Variants in ZNF804A observed in about 807,000 individuals in gnomAD.
ZNF804A encodes the protein zinc finger protein 804A.
In ZNF804A, 2 loss-of-function variants were observed where a neutral mutation model predicts 16.5. The observed-to-expected ratio is 0.12, with a 90% confidence interval of 0.05 to 0.38. The LOEUF (loss-of-function observed/expected upper bound fraction) is 0.38, where lower values mean the gene tolerates loss of function less well. ZNF804A is among the 10% of genes least tolerant of loss of function. ZNF804A has a pLI of 0.99. For synonymous variants in ZNF804A, 534 were observed against 489.6 expected, an observed-to-expected ratio of 1.09 and a Z score of -1.20; for missense variants, 1,473 against 1,390.7, an observed-to-expected ratio of 1.06 and a Z score of -0.94.
chr2:184,878,505 T>G (rs143448052), intron 2 of ZNF804A, among the ~76,000 whole-genome samples: 2 of 152,160 alleles, frequency 1.3e-5, no homozygotes, highest in Non-Finnish European at 2.9e-5. Flanking sequence ...CAAAAGGACT[T>G]ATAAGCCATC....
rs183686989 is a variant in ZNF804A, at chr2:184,802,506, A to G, written c.112-63863A>G. Among the ~76,000 whole-genome samples the G allele has an allele frequency of 3.3e-4, 51 of 152,256 alleles. 1 individual carries two copies. The East Asian group carries it at 9.6e-3, about 29-fold the overall frequency. ...ATGTTCTAACTCACATTCAAACACA[A>G]CTAATTTATCAAAATTACCATTTAA... On this transcript the variant is annotated intron_variant, in intron 1 of 3. Coordinates refer to ENST00000302277, the MANE Select transcript of ZNF804A (RefSeq NM_194250.2).
intron 1 of ZNF804A, among the ~76,000 whole-genome samples, chr2:184,837,159 C>T (rs1695363486): frequency 6.6e-6 from 1 of 151,974 alleles, no homozygotes; most frequent in African/African-American, 2.4e-5. Context: ...ACTAGGTGGA[C>T]AGCATCTATT....
chr2:184,885,393 T>C (rs923971355), intron 2 of ZNF804A, among the ~76,000 whole-genome samples: 6 of 152,172 alleles, frequency 3.9e-5, no homozygotes, highest in Admixed American at 6.5e-5. Context: ...CATGCTTATG[T>C]TCATCACAGC....
At chr2:184,809,671 T>C (rs1470224547) in intron 1 of ZNF804A, among the ~76,000 whole-genome samples, 3 of 151,892 alleles carry the variant, frequency 2.0e-5, no homozygotes, top group Non-Finnish European at 1.5e-5. Context: ...AAATAGTCAC[T>C]ATGAGTGTTG....
At chr2:184,686,385 C>G (rs888750375) in intron 1 of ZNF804A, among the ~76,000 whole-genome samples, 1 of 152,232 alleles carries the variant, frequency 6.6e-6, no homozygotes, top group Non-Finnish European at 1.5e-5. Flanking sequence ...CTGTTGCCAT[C>G]ATGTGTACCA....
intron 1 of ZNF804A, among the ~76,000 whole-genome samples, chr2:184,612,428 A>C (rs1691251705): frequency 6.6e-6 from 1 of 150,872 alleles, no homozygotes; most frequent in East Asian, 1.9e-4. Context: ...TCAACATGAA[A>C]GATGTAATTT....
intron 1 of ZNF804A, among the ~76,000 whole-genome samples, chr2:184,766,941 A>G (rs1046782567): frequency 1.3e-5 from 2 of 152,114 alleles, no homozygotes; most frequent in African/African-American, 4.8e-5. Flanking sequence ...GAAAGGCCAT[A>G]ATCCAGTAAG....
At chr2:184,650,369 A>C (rs1219572446) in intron 1 of ZNF804A, among the ~76,000 whole-genome samples, 1 of 152,124 alleles carries the variant, frequency 6.6e-6, no homozygotes, top group Non-Finnish European at 1.5e-5. Flanking sequence ...AAAGGGCAAA[A>C]ACTGGAAGCA....
intron 1 of ZNF804A, among the ~76,000 whole-genome samples, chr2:184,842,230 C>A (rs1390559028): frequency 6.6e-6 from 1 of 152,162 alleles, no homozygotes; most frequent in Non-Finnish European, 1.5e-5. Flanking sequence ...CTATCACTCC[C>A]ATTTGGAGTT....
intron 1 of ZNF804A, among the ~76,000 whole-genome samples, chr2:184,644,432 G>A (rs368856015): frequency 6.6e-6 from 1 of 151,398 alleles, no homozygotes; most frequent in Non-Finnish European, 1.5e-5. Flanking sequence ...TATAAGGTAA[G>A]TTATTATAAA....
chr2:184,876,686 A>G (rs1684684382), intron 2 of ZNF804A, among the ~76,000 whole-genome samples: 4 of 152,250 alleles, frequency 2.6e-5, no homozygotes, highest in African/African-American at 4.8e-5. Flanking sequence ...TAAAAGAATC[A>G]TTTCTAGCAT....
chr2:184,821,696 G>A (rs956966602), intron 1 of ZNF804A, among the ~76,000 whole-genome samples: 1 of 151,970 alleles, frequency 6.6e-6, no homozygotes, highest in Non-Finnish European at 1.5e-5. Flanking sequence ...ATTCTACAAG[G>A]AACTTAAACA....
intron 1 of ZNF804A, among the ~76,000 whole-genome samples, chr2:184,716,457 C>T (rs547923923): frequency 1.1e-4 from 17 of 151,860 alleles, no homozygotes; most frequent in East Asian, 5.8e-4. Context: ...TTGCAATTGG[C>T]GAAAAGGCAC....
intron 2 of ZNF804A, among the ~76,000 whole-genome samples, chr2:184,927,121 G>A (rs1055968723): frequency 6.6e-6 from 1 of 152,148 alleles, no homozygotes; most frequent in African/African-American, 2.4e-5. Flanking sequence ...TTCACAGTTT[G>A]GGCTTGTTTG....
intron 1 of ZNF804A, among the ~76,000 whole-genome samples, chr2:184,721,474 A>T (rs917014013): frequency 3.3e-5 from 5 of 150,840 alleles, no homozygotes; most frequent in Admixed American, 1.3e-4. Context: ...ACAGGTATAT[A>T]AAAAAAAATG....
chr2:184,892,025 C>T (rs934521094), intron 2 of ZNF804A, among the ~76,000 whole-genome samples: 2 of 152,062 alleles, frequency 1.3e-5, no homozygotes, highest in African/African-American at 4.8e-5. Context: ...AACAAAAGAC[C>T]TATTTGACAG....
At chr2:184,789,380 AT>A (rs928967470) in intron 1 of ZNF804A, among the ~76,000 whole-genome samples, 30 of 151,834 alleles carry the variant, frequency 2.0e-4, no homozygotes, top group African/African-American at 7.3e-4. Context: ...TTTCTCCTTG[AT>A]TTTTCGGAAT....
At chr2:184,654,872 G>A (rs1209907278) in intron 1 of ZNF804A, among the ~76,000 whole-genome samples, 1 of 152,084 alleles carries the variant, frequency 6.6e-6, no homozygotes, top group Admixed American at 6.5e-5. Context: ...TTGGCTATAA[G>A]GATCTATCAT....
chr2:184,673,233 AG>A (rs1350748010), intron 1 of ZNF804A, among the ~76,000 whole-genome samples: 3 of 152,188 alleles, frequency 2.0e-5, no homozygotes, highest in Non-Finnish European at 1.5e-5. Context: ...TTTCCAAAAA[AG>A]GGATAGACAT....
Sources: allele counts gnomAD v4.1 joint callset (sites outside exome capture counted in the v4.1 genomes callset), GRCh38; gene constraint gnomAD v4.1.1; transcripts MANE v1.5; gene names NCBI Gene and HGNC (gene_info 2026-07-23, HGNC 2026-07-21).